The following MOBP variants were observed in gnomAD, a reference collection of about 807,000 sequenced individuals.
MOBP encodes the protein myelin-associated oligodendrocyte basic protein.
Under a neutral mutation model 15.0 loss-of-function variants are expected in MOBP, and 5 were observed. The observed-to-expected ratio is 0.33, with a 90% CI of 0.17 to 0.70. MOBP has a LOEUF of 0.70. Among genes scored for constraint, MOBP ranks in the 30% least tolerant of loss-of-function variants. The pLI is 0.67. For missense variants in MOBP, 188 were observed against 257.8 expected (o/e 0.73, Z 1.85); for synonymous variants, 88 against 99.0 (o/e 0.89, Z 0.66).
intron 1 of MOBP, among the ~76,000 whole-genome samples, chr3:39,476,785 T>G (rs1046804093): frequency 6.6e-6 from 1 of 152,214 alleles, no homozygotes; most frequent in African/African-American, 2.4e-5. Flanking sequence ...AAAAAAATTC[T>G]TATTCTTTAT....
At chr3:39,491,413 G>C (rs933363486) in intron 2 of MOBP, among the ~76,000 whole-genome samples, 1 of 152,166 alleles carries the variant, frequency 6.6e-6, no homozygotes, top group Non-Finnish European at 1.5e-5. Flanking sequence ...ATGAATAAAT[G>C]TTATGAACTT....
intron 1 of MOBP, among the ~76,000 whole-genome samples, chr3:39,468,972 A>G (rs907116592): frequency 2.0e-5 from 2 of 99,074 alleles, no homozygotes; most frequent in African/African-American, 6.0e-5. Flanking sequence ...ATGTGTGTGT[A>G]TATATACATA....
At chr3:39,491,260 C>A (rs1015107367) in intron 2 of MOBP, among the ~76,000 whole-genome samples, 1 of 152,106 alleles carries the variant, frequency 6.6e-6, no homozygotes, top group Non-Finnish European at 1.5e-5. Flanking sequence ...CAGTGTGGTA[C>A]GGATTATAAC....
intron 1 of MOBP, among the ~76,000 whole-genome samples, chr3:39,472,576 G>A (rs2042486665): frequency 6.6e-6 from 1 of 152,206 alleles, no homozygotes; most frequent in Non-Finnish European, 1.5e-5. Context: ...ATATTCCCAT[G>A]ATGGACCATC....
intron 2 of MOBP, among the ~76,000 whole-genome samples, chr3:39,483,980 A>G (rs1342253293): frequency 6.6e-6 from 1 of 152,240 alleles, no homozygotes; most frequent in Non-Finnish European, 1.5e-5. Flanking sequence ...ACGTTCGTTC[A>G]TTAAGTGGAT....
intron 2 of MOBP, among the ~76,000 whole-genome samples, chr3:39,495,503 G>A (rs1259928692): frequency 1.3e-5 from 2 of 151,804 alleles, no homozygotes; most frequent in African/African-American, 4.8e-5. Flanking sequence ...TTATAGGCCA[G>A]GCGTGGTGGC....
downstream of MOBP, chr3:39,528,153 T>C (rs1044294650): frequency 6.6e-6 from 1 of 152,192 alleles, no homozygotes; most frequent in Non-Finnish European, 1.5e-5. Flanking sequence ...CATATTAAAA[T>C]AGAGGTAAAT....
chr3:39,500,633 G>A (rs1406899310), intron 2 of MOBP, among the ~76,000 whole-genome samples: 1 of 152,140 alleles, frequency 6.6e-6, no homozygotes, highest in Non-Finnish European at 1.5e-5. Flanking sequence ...ACAGTGGGGT[G>A]CACTGATGAG....
intron 1 of MOBP, among the ~76,000 whole-genome samples, chr3:39,479,655 T>G (rs1359600534): frequency 6.6e-6 from 1 of 152,146 alleles, no homozygotes; most frequent in Non-Finnish European, 1.5e-5. Context: ...TTTATTTGAT[T>G]GTGAAGATTT....
downstream of MOBP, among the ~76,000 whole-genome samples, chr3:39,505,162 G>T (rs553118958): frequency 3.5e-4 from 53 of 152,312 alleles, no homozygotes; most frequent in South Asian, 5.8e-3. Context: ...GGTTTAACAG[G>T]TATGTCCTGG....
intron 2 of MOBP, among the ~76,000 whole-genome samples, chr3:39,495,710 A>G (rs2042868649): frequency 6.8e-6 from 1 of 147,008 alleles, no homozygotes; most frequent in Admixed American, 7.0e-5. Context: ...CTGTGATTGC[A>G]CCACTGTACT....
In MOBP at chr3:39,502,852, C is replaced by T. The variant is rs2042995309; in HGVS notation, c.524C>T (p.Ser175Phe). 4 of 1,454,434 alleles carry T rather than the reference C, an allele frequency of 2.8e-6. No homozygotes were observed. Among genetic ancestry groups the T allele is most frequent in the Non-Finnish European group, 3.7e-6 (4 of 1,083,646 alleles). 90.1% of individuals were successfully genotyped at this position (1,454,434 alleles called of 1,614,324 possible). A position where few individuals can be genotyped will look rare whatever the true frequency, so the allele number is the denominator to read the frequency against. Residue 175 changes from serine to phenylalanine, a missense_variant, in exon 4 of 4, where the codon TCC becomes TTC. Ser to Phe is a radical substitution (Grantham distance 155). Coordinates refer to ENST00000684792, the MANE Select transcript of MOBP (RefSeq NM_001393704.1). The surrounding 1 kb of genome is among the most constrained non-coding windows in gnomAD (Gnocchi z 6.3). ...LRGPGASRGG[S>F]PVKASRFW ...GGGCCAGGCGCCAGCCGTGGGGGGT[C>T]CCCCGTCAAAGCTTCTAGGTTCTGG...
At chr3:39,520,592 GAGAC>G (rs2043254761), downstream of MOBP, among the ~76,000 whole-genome samples, 3 of 151,814 alleles carry the variant, frequency 2.0e-5, no homozygotes, top group Non-Finnish European at 4.4e-5. Flanking sequence ...GAGAGAGAGA[GAGAC>G]AGAGAGAGAG....
At chr3:39,474,076 T>C (rs920128365) in intron 1 of MOBP, among the ~76,000 whole-genome samples, 2 of 152,212 alleles carry the variant, frequency 1.3e-5, no homozygotes, top group Non-Finnish European at 2.9e-5. Context: ...TAAATATGTT[T>C]TTTAGCTCTA....
Position 39,502,562 on chromosome 3 carries a change from G to A in MOBP, c.234G>A (p.Gln78=), listed in dbSNP as rs766529367. The change falls in exon 4 of 4, where the codon CAG becomes CAA. Residue 78 remains glutamine (Q), a synonymous_variant. Transcript: ENST00000684792. The surrounding 1 kb of genome is among the most constrained non-coding windows in gnomAD (Gnocchi z 6.3). Reference sequence around the variant, plus strand: ...CCAGCCGCCGTGCCAAGTCCCCTCAGAGGCCCAAGCAACAGCCAGCTGCGC... The same window carrying A: ...CCAGCCGCCGTGCCAAGTCCCCTCAAAGGCCCAAGCAACAGCCAGCTGCGC... ...TRTSRRAKSP[Q]RPKQQPAAPP... is the part of the protein sequence containing the mutation. 8.9e-6 allele frequency: 14 copies of A among 1,581,186 alleles called. No homozygotes were observed. The highest frequency in any genetic ancestry group is 1.3e-5 in the African/African-American group (1 of 74,626).
chr3:39,516,792 G>GA (rs2043207528), downstream of MOBP, among the ~76,000 whole-genome samples: 1 of 152,202 alleles, frequency 6.6e-6, no homozygotes, highest in African/African-American at 2.4e-5. Flanking sequence ...GAAGGAATAA[G>GA]AGTTGGAGAA....
chr3:39,481,359 C>T (rs566794996), intron 2 of MOBP, among the ~76,000 whole-genome samples: 6 of 152,312 alleles, frequency 3.9e-5, no homozygotes, highest in South Asian at 4.1e-4. Context: ...AACTATTAGA[C>T]GGAGACTTCA....
downstream of MOBP, among the ~76,000 whole-genome samples, chr3:39,519,643 A>G (rs1201017870): frequency 6.7e-6 from 1 of 149,494 alleles, no homozygotes; most frequent in African/African-American, 2.5e-5. Flanking sequence ...TTCCTTTTCT[A>G]TGCGTTTTCT....
intron 1 of MOBP, among the ~76,000 whole-genome samples, chr3:39,476,294 A>C (rs1348861702): frequency 6.6e-6 from 1 of 152,138 alleles, no homozygotes; most frequent in Non-Finnish European, 1.5e-5. Flanking sequence ...GCATTTTAAC[A>C]TGAGATTTGG....
Sources: allele counts gnomAD v4.1 joint callset (sites outside exome capture counted in the v4.1 genomes callset), GRCh38; gene constraint gnomAD v4.1.1; non-coding constraint Gnocchi (gnomAD v3.1); transcripts MANE v1.5; gene names NCBI Gene and HGNC (gene_info 2026-07-23, HGNC 2026-07-21).